The following ZNF717 variants were observed in gnomAD, a reference collection of about 807,000 sequenced individuals.
The protein encoded by ZNF717 is zinc finger protein 717.
Under a neutral mutation model 13.8 loss-of-function variants are expected in ZNF717, and 9 were observed. That is an observed-to-expected ratio of 0.65 (90% CI 0.39 to 1.14). The LOEUF (loss-of-function observed/expected upper bound fraction) is 1.14, where lower values mean the gene tolerates loss of function less well. Among genes scored for constraint, ZNF717 ranks in the 50% most tolerant of loss-of-function variants. The pLI is 0.01. For missense variants in ZNF717, 1,040 were observed against 1,080.7 expected (o/e 0.96, Z 0.53); for synonymous variants, 327 against 364.1 (o/e 0.90, Z 1.16).
chr3:75,734,036 T>A (rs1458684840), downstream of ZNF717, among the ~76,000 whole-genome samples: 5 of 150,720 alleles, frequency 3.3e-5, no homozygotes, highest in East Asian at 9.8e-4. Context: ...AAAAAAAAGA[T>A]ACACATCTGA....
intron 2 of ZNF717, among the ~76,000 whole-genome samples, chr3:75,780,999 A>G (rs1405662750): frequency 3.3e-5 from 5 of 152,346 alleles, no homozygotes; most frequent in Non-Finnish European, 7.4e-5. Flanking sequence ...TACATTTGCA[A>G]TGGTAATAGT....
intron 2 of ZNF717, among the ~76,000 whole-genome samples, chr3:75,777,462 G>C (rs902891195): frequency 6.6e-6 from 1 of 151,860 alleles, no homozygotes; most frequent in Non-Finnish European, 1.5e-5. Context: ...CCAAAACAAT[G>C]GGAGTGATGT....
intron 2 of ZNF717, among the ~76,000 whole-genome samples, chr3:75,745,155 TG>T (rs147372233): frequency 0.21 from 28,917 of 139,988 alleles, 3,011 homozygotes; most frequent in African/African-American, 0.24. Flanking sequence ...TGTGGTCTGT[TG>T]TTTTTTTTTT....
chr3:75,772,043 G>A (rs1306890263), intron 2 of ZNF717, among the ~76,000 whole-genome samples: 5 of 152,252 alleles, frequency 3.3e-5, no homozygotes, highest in Admixed American at 2.6e-4. Flanking sequence ...AGCACAGGAG[G>A]GAGGTTGAGG....
At chr3:75,732,526 G>C (rs1450299160), downstream of ZNF717, among the ~76,000 whole-genome samples, 4 of 152,158 alleles carry the variant, frequency 2.6e-5, no homozygotes, top group African/African-American at 7.2e-5. Context: ...AACCTGATTG[G>C]GATTAGTGCA....
intron 4 of ZNF717, among the ~76,000 whole-genome samples, chr3:75,740,149 T>TAA (rs1940195662): frequency 6.6e-6 from 1 of 152,212 alleles, no homozygotes; most frequent in African/African-American, 2.4e-5. Flanking sequence ...CGCTGCTTGA[T>TAA]AATTCACCAT....
At chr3:75,756,564 T>C (rs1201237822) in intron 2 of ZNF717, among the ~76,000 whole-genome samples, 2 of 152,280 alleles carry the variant, frequency 1.3e-5, no homozygotes, top group Non-Finnish European at 2.9e-5. Flanking sequence ...AACACATGAA[T>C]GATAAAAAGC....
At chr3:75,701,661 G>T (rs1454150153) in intron 6 of ZNF717, among the ~76,000 whole-genome samples, 72 of 149,890 alleles carry the variant, frequency 4.8e-4, no homozygotes, top group African/African-American at 1.8e-3. Context: ...CTGCACTCCA[G>T]CCTGGGCAAC....
intron 4 of ZNF717, among the ~76,000 whole-genome samples, chr3:75,722,421 C>T (rs1575722721): frequency 6.6e-6 from 1 of 152,148 alleles, no homozygotes; most frequent in African/African-American, 2.4e-5. Flanking sequence ...CTCATATCTG[C>T]TTCTGAATTC....
chr3:75,743,720 G>C (rs1205523042), intron 2 of ZNF717, among the ~76,000 whole-genome samples: 2 of 152,246 alleles, frequency 1.3e-5, no homozygotes, highest in African/African-American at 4.8e-5. Context: ...TGTAGAAACA[G>C]GATTTGGTAC....
chr3:75,734,813 A>ATTTT (rs1196032873), downstream of ZNF717, among the ~76,000 whole-genome samples: 4 of 60,078 alleles, frequency 6.7e-5, no homozygotes, highest in Admixed American at 2.0e-4. Flanking sequence ...ATATATATAT[A>ATTTT]TATATTTTTT....
rs142531092 is a variant in ZNF717 at position 75,779,751 on chromosome 3, C to G, written c.57+3555G>C. Among the ~76,000 whole-genome samples, 282 of 147,842 alleles carry G rather than the reference C, an allele frequency of 1.9e-3. 16 individuals are homozygous for G. The East Asian group carries it at 0.052, about 28-fold the overall frequency. ...AACCCAAAACCATGGGAGTGTCGTG[C>G]TAAACCAGAAACCCAAAACAATGGG... On this transcript the variant is annotated intron_variant, in intron 2 of 4. Coordinates refer to ENST00000652011, the MANE Select transcript of ZNF717 (RefSeq NM_001290208.3).
At chr3:75,765,035 A>ATATATATG (rs1559662069) in intron 2 of ZNF717, among the ~76,000 whole-genome samples, 4 of 81,776 alleles carry the variant, frequency 4.9e-5, no homozygotes, top group East Asian at 3.4e-4. Flanking sequence ...ATATATGTAT[A>ATATATATG]TGTGTGTGTG....
At chr3:75,761,357 T>C (rs1942995651) in intron 2 of ZNF717, among the ~76,000 whole-genome samples, 1 of 152,262 alleles carries the variant, frequency 6.6e-6, no homozygotes, top group African/African-American at 2.4e-5. Context: ...ACTCAAAGAA[T>C]TAGTAATAGA....
Position 75,713,602 on chromosome 3 carries a change from T to C in ZNF717, n.668-2286A>G, listed in dbSNP as rs1450932324. Among the ~76,000 whole-genome samples, 49 of 152,260 alleles carry C rather than the reference T, an allele frequency of 3.2e-4. No homozygotes were observed. In the East Asian group the frequency reaches 4.6e-3, roughly 14 times the overall value. On this transcript the variant is annotated intron_variant and non_coding_transcript_variant, in intron 5 of 5. Coordinates refer to the ZNF717 transcript ENST00000491507. The stretch of plus-strand genomic sequence containing the variant: ...AAAGTCATATGGGTATAAAAATCCA[T>C]ATAACATATCCACATAAATATAACT...
At chr3:75,760,680 A>C (rs7624780) in intron 2 of ZNF717, among the ~76,000 whole-genome samples, 24,399 of 151,208 alleles carry the variant, frequency 0.16, 1,598 homozygotes, top group African/African-American at 0.17. Context: ...GCTAAAGGGA[A>C]GCTTATAGCT....
At chr3:75,730,517 A>G in exon 6 of ZNF717, 1 of 635,876 alleles carries the variant, frequency 1.6e-6, no homozygotes, top group East Asian at 2.9e-5. Flanking sequence ...GAAGTGATAC[A>G]GACTTGGACA....
chr3:75,746,805 C>T (rs1941226846), intron 2 of ZNF717, among the ~76,000 whole-genome samples: 1 of 152,132 alleles, frequency 6.6e-6, no homozygotes. Flanking sequence ...AACATTTTCT[C>T]CCATTCTGTA....
At chr3:75,751,516 C>T (rs1052464453) in intron 2 of ZNF717, among the ~76,000 whole-genome samples, 3 of 151,402 alleles carry the variant, frequency 2.0e-5, no homozygotes, top group African/African-American at 7.3e-5. Context: ...ATGTCCCTCA[C>T]ATAGGATTCC....
Sources: allele counts gnomAD v4.1 joint callset (sites outside exome capture counted in the v4.1 genomes callset), GRCh38; gene constraint gnomAD v4.1.1; transcripts MANE v1.5; gene names NCBI Gene and HGNC (gene_info 2026-07-23, HGNC 2026-07-21).